The following FAM72A variants were observed in gnomAD, a reference collection of about 807,000 sequenced individuals.
The protein encoded by FAM72A is protein FAM72A.
In FAM72A, 1 loss-of-function variant was observed where a neutral mutation model predicts 11.3. The ratio of observed to expected loss-of-function variants is 0.09; its 90% CI spans 0.03 to 0.42. The LOEUF is 0.42. FAM72A is among the 10% of genes least tolerant of loss of function. The probability of loss-of-function intolerance (pLI) is 0.98; values close to 1 mark genes in which losing one functional copy is unlikely to be tolerated. For missense variants in FAM72A, 15 were observed against 135.5 expected (o/e 0.11, Z 4.41); for synonymous variants, 5 against 46.9 (o/e 0.11, Z 3.65).
At chr1:206,193,519 C>G (rs1445874349) in intron 3 of FAM72A, among the ~76,000 whole-genome samples, 1 of 152,138 alleles carries the variant, frequency 6.6e-6, no homozygotes, top group Admixed American at 6.6e-5. Flanking sequence ...ACAAAACAGC[C>G]TTCTATTGGA....
intron 3 of FAM72A, among the ~76,000 whole-genome samples, chr1:206,191,715 T>C (rs566199504): frequency 3.5e-5 from 5 of 141,310 alleles, no homozygotes; most frequent in East Asian, 2.0e-4. Context: ...ACTTTCTTAC[T>C]AAAATATTAT....
intron 3 of FAM72A, among the ~76,000 whole-genome samples, chr1:206,189,497 C>G (rs1664688455): frequency 1.5e-5 from 2 of 135,166 alleles, no homozygotes; most frequent in Non-Finnish European, 1.5e-5. Flanking sequence ...GTGTTCTGCT[C>G]CAGGTAAATG....
At chr1:206,187,406 C>T in intron 3 of FAM72A, 33 bp from the exon 4 acceptor site, 1 of 1,607,154 alleles carries the variant, frequency 6.2e-7, no homozygotes, top group South Asian at 1.1e-5. Flanking sequence ...TTCTTTAATG[C>T]TTACTACTGT....
intron 3 of FAM72A, among the ~76,000 whole-genome samples, chr1:206,191,741 T>A: frequency 6.9e-6 from 1 of 145,928 alleles, no homozygotes; most frequent in African/African-American, 2.6e-5. Context: ...TTTTTTTTTT[T>A]TTTTGAGACA....
chr1:206,191,714 CTAAAA>C (rs1473543549), intron 3 of FAM72A, among the ~76,000 whole-genome samples: 10 of 137,108 alleles, frequency 7.3e-5, no homozygotes, highest in South Asian at 6.8e-4. Context: ...TACTTTCTTA[CTAAAA>C]TATTATTTTT....
upstream of FAM72A, chr1:206,203,020 G>C (rs1460105946): frequency 6.5e-6 from 1 of 153,336 alleles, no homozygotes; most frequent in African/African-American, 2.4e-5. Context: ...CCCCAGTAAC[G>C]GTGCTGAGAT....
intron 2 of FAM72A, among the ~76,000 whole-genome samples, chr1:206,198,378 AG>A (rs1486711010): frequency 2.0e-5 from 3 of 151,054 alleles, no homozygotes; most frequent in Non-Finnish European, 3.0e-5. Context: ...AAAAAAAAAA[AG>A]AAAGAAGAAA....
rs1467485754 is a variant in FAM72A at position 206,187,094 on chromosome 1, A to C, written c.*185T>G. ...GGAGAGGAAGTAGAAGTAGAGGAAA[A>C]GCACAACTTCACTGGCTTCAATCAA... On this transcript the variant is annotated 3_prime_UTR_variant, in exon 4 of 4. Coordinates refer to ENST00000367128, the MANE Select transcript of FAM72A (RefSeq NM_001123168.3). 1 of 918,624 alleles carries C rather than the reference A, an allele frequency of 1.1e-6. No individual in the cohort carries two copies. Among genetic ancestry groups the C allele is most frequent in the African/African-American group, 1.7e-5 (1 of 58,288 alleles). 56.9% of individuals were successfully genotyped at this position (918,624 alleles called of 1,614,324 possible).
intron 1 of FAM72A, among the ~76,000 whole-genome samples, chr1:206,200,270 T>C (rs1665294689): frequency 1.3e-5 from 2 of 151,128 alleles, no homozygotes; most frequent in Admixed American, 6.6e-5. Context: ...CAGATAGTAA[T>C]TCTACGCTTG....
upstream of FAM72A, chr1:206,205,170 C>T (rs1310815626): frequency 6.6e-6 from 1 of 152,336 alleles, no homozygotes; most frequent in African/African-American, 2.4e-5. Flanking sequence ...CAGTCCCCGC[C>T]TGGTGCCCCG....
At chr1:206,187,874 AAGGGCT>A (rs2102372150) in intron 3 of FAM72A, among the ~76,000 whole-genome samples, 1 of 128,400 alleles carries the variant, frequency 7.8e-6, no homozygotes, top group Non-Finnish European at 1.6e-5. Context: ...CTTTTTTTTA[AAGGGCT>A]AGGACATAAA....
intron 2 of FAM72A, among the ~76,000 whole-genome samples, chr1:206,196,166 C>A (rs1337784668): frequency 1.5e-5 from 2 of 135,406 alleles, no homozygotes; most frequent in Admixed American, 7.4e-5. Context: ...TGCCTGCAAC[C>A]TCCGCCTCCC....
rs1176753656 is a variant in FAM72A at position 206,188,509 on chromosome 1, C to CT, written c.356-1137dup. On this transcript the variant is annotated intron_variant, in intron 3 of 3. Coordinates refer to ENST00000367128, the MANE Select transcript of FAM72A (RefSeq NM_001123168.3). The stretch of plus-strand genomic sequence containing the variant: ...AATTAACTTCACAAGAAAAGCAAAT[C>CT]TTTTTTTTTTTCTTTTTGAGTCGGA... Among the ~76,000 whole-genome samples, 121 of 134,724 alleles carry CT rather than the reference C, an allele frequency of 9.0e-4. 3 individuals carry two copies. Among genetic ancestry groups the CT allele is most frequent in the Middle Eastern group, 3.8e-3 (1 of 262 alleles). The allele number at this position is 134,724 out of a possible 152,430, so 88.4% of individuals were successfully genotyped here. A position where few individuals can be genotyped will look rare whatever the true frequency, so the allele number is the denominator to read the frequency against.
At chr1:206,198,053 C>CTA (rs1282076301) in intron 2 of FAM72A, among the ~76,000 whole-genome samples, 1 of 151,004 alleles carries the variant, frequency 6.6e-6, no homozygotes, top group African/African-American at 2.5e-5. Flanking sequence ...AATCCCGTCT[C>CTA]TACTAAAAAT....
intron 3 of FAM72A, among the ~76,000 whole-genome samples, chr1:206,190,471 G>A (rs1316423127): frequency 6.7e-6 from 1 of 148,964 alleles, no homozygotes; most frequent in African/African-American, 2.5e-5. Flanking sequence ...TGATCTTTTG[G>A]TCTGTGAAGG....
rs1256550145 is a variant in FAM72A, at chr1:206,196,740, TAC to T, written c.231-866_231-865del. ...CTCCAGAGAAAGTTGCAAAAGTTTT[TAC>T]AGTTTTCAGAATTATCCAGCTGATT... On this transcript the variant is annotated intron_variant, in intron 2 of 3. Transcript: ENST00000367128. Among the ~76,000 whole-genome samples the T allele has an allele frequency of 2.0e-5, 3 of 149,476 alleles. No individual in the cohort carries two copies. The East Asian group carries it at 5.8e-4, about 29-fold the overall frequency.
chr1:206,197,999 C>A (rs1158296098), intron 2 of FAM72A, among the ~76,000 whole-genome samples: 1 of 148,602 alleles, frequency 6.7e-6, no homozygotes. Context: ...GCAGGTGGAT[C>A]ACTTGAGGTC....
At chr1:206,203,571 G>T (rs573474470), upstream of FAM72A, 18 of 576,332 alleles carry the variant, frequency 3.1e-5, no homozygotes, top group African/African-American at 9.3e-5. Flanking sequence ...GCGTAGAAAC[G>T]GGTGGCGGGG....
At chr1:206,193,192 C>T (rs1192282880) in intron 3 of FAM72A, among the ~76,000 whole-genome samples, 2 of 151,200 alleles carry the variant, frequency 1.3e-5, no homozygotes, top group African/African-American at 2.4e-5. Flanking sequence ...GGATTACAGG[C>T]GTGAGCCACC....
Sources: allele counts gnomAD v4.1 joint callset (sites outside exome capture counted in the v4.1 genomes callset), GRCh38; gene constraint gnomAD v4.1.1; transcripts MANE v1.5; gene names NCBI Gene and HGNC (gene_info 2026-07-23, HGNC 2026-07-21).